The following STXBP5L variants were observed in gnomAD, a reference collection of about 807,000 sequenced individuals.
The protein encoded by STXBP5L is syntaxin binding protein 5L.
A neutral mutation model predicts 144.5 loss-of-function variants in STXBP5L; 65 were observed. That is an observed-to-expected ratio of 0.45 (90% confidence interval 0.37 to 0.55). The LOEUF (loss-of-function observed/expected upper bound fraction) is 0.55, where lower values mean the gene tolerates loss of function less well. Ranked by LOEUF, STXBP5L falls within the 20% of genes least tolerant of loss-of-function variation. The pLI is 0.00. For missense variants in STXBP5L, 1,298 were observed against 1,405.5 expected (o/e 0.92, Z 1.22); for synonymous variants, 505 against 469.6 (o/e 1.08, Z -0.97).
intron 3 of STXBP5L, among the ~76,000 whole-genome samples, chr3:120,970,794 C>G (rs1413827118): frequency 6.6e-6 from 1 of 152,130 alleles, no homozygotes; most frequent in Middle Eastern, 3.4e-3. Flanking sequence ...TGAACACTGG[C>G]CTGCTGTTTT....
intron 3 of STXBP5L, among the ~76,000 whole-genome samples, chr3:121,028,186 A>G (rs1477829286): frequency 6.6e-6 from 1 of 152,094 alleles, no homozygotes; most frequent in African/African-American, 2.4e-5. Context: ...TTATTTCAAA[A>G]TCACTGACTA....
At chr3:121,074,227 A>T (rs2041927596) in intron 5 of STXBP5L, among the ~76,000 whole-genome samples, 1 of 152,196 alleles carries the variant, frequency 6.6e-6, no homozygotes, top group Admixed American at 6.5e-5. Flanking sequence ...CGTTGGATGC[A>T]GAAGAATGCA....
intron 19 of STXBP5L, among the ~76,000 whole-genome samples, chr3:121,304,069 T>C (rs1285993487): frequency 2.0e-5 from 3 of 151,508 alleles, no homozygotes; most frequent in Admixed American, 2.0e-4. Context: ...GGAAAAGAAT[T>C]CCATGAAAAC....
At position 121,378,666 on chromosome 3, in the gene STXBP5L, T is replaced by C. The variant is rs74469431; in HGVS notation, c.2177-50T>C. On this transcript the variant is annotated intron_variant, in intron 20 of 26. Coordinates refer to ENST00000471454, the MANE Select transcript of STXBP5L (RefSeq NM_001308330.2). ...TAATCTACACGCTTGTATTCCTTTG[T>C]ATTAAGAGTTAATCATTATATGTAT... 160 of 1,579,104 alleles carry C rather than the reference T, an allele frequency of 1.0e-4. No homozygotes were observed. The African/African-American group carries it at 2.0e-3, about 20-fold the overall frequency.
At chr3:121,047,989 C>G (rs188894600) in intron 5 of STXBP5L, among the ~76,000 whole-genome samples, 21 of 152,098 alleles carry the variant, frequency 1.4e-4, no homozygotes, top group Non-Finnish European at 7.4e-5. Context: ...TTATAACAGT[C>G]TTTGCTTTCC....
chr3:121,261,940 G>A (rs2050395681), intron 18 of STXBP5L, among the ~76,000 whole-genome samples: 1 of 152,180 alleles, frequency 6.6e-6, no homozygotes, highest in Non-Finnish European at 1.5e-5. Flanking sequence ...AGGCTAGAAA[G>A]TCCAAAATCA....
intron 18 of STXBP5L, among the ~76,000 whole-genome samples, chr3:121,278,700 G>T (rs961326322): frequency 2.0e-5 from 3 of 151,838 alleles, no homozygotes; most frequent in African/African-American, 7.2e-5. Context: ...CCAGATAAAT[G>T]TAGAAGTGTA....
At chr3:121,202,692 T>A (rs576729351) in intron 9 of STXBP5L, among the ~76,000 whole-genome samples, 2 of 152,242 alleles carry the variant, frequency 1.3e-5, no homozygotes, top group East Asian at 1.9e-4. Context: ...GTTGGCAGAC[T>A]TTTTTTCTTC....
chr3:121,203,430 A>G (rs1224196804), intron 9 of STXBP5L, among the ~76,000 whole-genome samples: 7 of 152,034 alleles, frequency 4.6e-5, no homozygotes, highest in Non-Finnish European at 7.4e-5. Flanking sequence ...TGTCATTTTT[A>G]CTTATTTTTT....
chr3:120,996,955 C>T (rs1943398740), intron 3 of STXBP5L, among the ~76,000 whole-genome samples: 1 of 152,138 alleles, frequency 6.6e-6, no homozygotes, highest in Admixed American at 6.6e-5. Flanking sequence ...CCTCCTTTCA[C>T]TGACCACCCT....
intron 3 of STXBP5L, among the ~76,000 whole-genome samples, chr3:121,003,277 G>A (rs1191245665): frequency 3.3e-5 from 5 of 151,846 alleles, no homozygotes; most frequent in Admixed American, 6.6e-5. Context: ...ATCTCATTGT[G>A]GTTTTGATTT....
rs1373018708 is a variant in STXBP5L, at chr3:121,389,227, A to G, written c.2587+7695A>G. Among the ~76,000 whole-genome samples the G allele has an allele frequency of 2.0e-5, 3 of 152,064 alleles. No homozygotes were observed. The East Asian group carries it at 5.8e-4, about 29-fold the overall frequency. On this transcript the variant is annotated intron_variant, in intron 22 of 26. Transcript: ENST00000471454. ...TGGTAGTTTGTATTTCTGTGGGATG[A>G]GTGGTGATATCCCTTTTATCATTTT... is the stretch of plus-strand genomic sequence containing the variant.
At chr3:121,135,490 A>G (rs1168198880) in intron 7 of STXBP5L, among the ~76,000 whole-genome samples, 1 of 152,176 alleles carries the variant, frequency 6.6e-6, no homozygotes, top group Non-Finnish European at 1.5e-5. Flanking sequence ...ATATGGTCCC[A>G]TCTGGGGGTG....
At chr3:121,181,669 TGGAGGCTTCA>T (rs1276668031) in intron 9 of STXBP5L, among the ~76,000 whole-genome samples, 1 of 151,486 alleles carries the variant, frequency 6.6e-6, no homozygotes, top group African/African-American at 2.4e-5. Context: ...AAGAGGCAGT[TGGAGGCTTCA>T]GTGAGCTGAG....
At position 121,418,534 on chromosome 3, in the gene STXBP5L, G is replaced by C; in HGVS notation, c.3424G>C (p.Ala1142Pro). The stretch of plus-strand genomic sequence containing the variant: ...TGCAGGCATGATGACCAGTGCAGAA[G>C]CATTTTCCAAACATGCACATGAGGT... Reference protein sequence around the residue: ...KTAGMMTSAEAFSKHAHELML... With the variant: ...KTAGMMTSAEPFSKHAHELML... The change falls in exon 26 of 27, where the codon GCA (alanine) becomes CCA (proline). Residue 1142 changes from alanine to proline, a missense_variant. Coordinates refer to ENST00000471454, the MANE Select transcript of STXBP5L (RefSeq NM_001308330.2). 6.2e-7 allele frequency: 1 copy of C among 1,614,018 alleles called. No homozygotes were observed. The highest frequency in any genetic ancestry group is 1.1e-5 in the South Asian group (1 of 91,090).
At chr3:121,143,278 C>T (rs370890404) in intron 7 of STXBP5L, among the ~76,000 whole-genome samples, 37 of 145,388 alleles carry the variant, frequency 2.5e-4, no homozygotes, top group African/African-American at 9.5e-4. Context: ...GAAGAAATAA[C>T]ATCAGTCCTT....
chr3:120,970,916 A>G (rs555054073), intron 3 of STXBP5L, among the ~76,000 whole-genome samples: 2 of 152,198 alleles, frequency 1.3e-5, no homozygotes, highest in South Asian at 2.1e-4. Flanking sequence ...AGTGAACAAC[A>G]GAACTTAAAT....
intron 20 of STXBP5L, among the ~76,000 whole-genome samples, chr3:121,345,488 T>C (rs1360850612): frequency 6.6e-6 from 1 of 152,120 alleles, no homozygotes; most frequent in Non-Finnish European, 1.5e-5. Flanking sequence ...TATGTCTTCA[T>C]AGTAGCATGA....
At chr3:120,918,955 G>T (rs1709235188) in intron 2 of STXBP5L, among the ~76,000 whole-genome samples, 1 of 152,140 alleles carries the variant, frequency 6.6e-6, no homozygotes, top group South Asian at 2.1e-4. Flanking sequence ...GCCAAATAGA[G>T]AACTTTTAAA....
Sources: allele counts gnomAD v4.1 joint callset (sites outside exome capture counted in the v4.1 genomes callset), GRCh38; gene constraint gnomAD v4.1.1; transcripts MANE v1.5; gene names NCBI Gene and HGNC (gene_info 2026-07-23, HGNC 2026-07-21).